ZNF345: variants seen among roughly 807,000 people sequenced by gnomAD.
The protein encoded by ZNF345 is zinc finger protein 345.
For synonymous variants in ZNF345, 166 were observed against 187.9 expected, an observed-to-expected ratio of 0.88 and a Z score of 0.95; for missense variants, 527 against 589.9, an observed-to-expected ratio of 0.89 and a Z score of 1.10.
At chr19:36,858,390 G>A (rs1013750479) in intron 2 of ZNF345, 15 of 152,292 alleles carry the variant, frequency 9.8e-5, no homozygotes, top group African/African-American at 3.6e-4. Flanking sequence ...GAGAACTGGT[G>A]ACTTCAGCGC....
chr19:36,857,154 A>G (rs1423101764), intron 2 of ZNF345, among the ~76,000 whole-genome samples: 2 of 152,128 alleles, frequency 1.3e-5, no homozygotes, highest in African/African-American at 4.8e-5. Flanking sequence ...TATTTCACCA[A>G]GGCTTTTTTG....
At chr19:36,853,848 TTCC>T (rs1478777198) in intron 2 of ZNF345, among the ~76,000 whole-genome samples, 1 of 152,338 alleles carries the variant, frequency 6.6e-6, no homozygotes, top group African/African-American at 2.4e-5. Flanking sequence ...TACCTTCTTT[TTCC>T]TCAAGAGTGT....
chr19:36,871,491 T>G (rs1176671262), intron 2 of ZNF345, among the ~76,000 whole-genome samples: 1 of 152,208 alleles, frequency 6.6e-6, no homozygotes, highest in African/African-American at 2.4e-5. Flanking sequence ...ATTAATAATT[T>G]TAACATATAT....
At chr19:36,862,154 C>G (rs1203358921) in intron 2 of ZNF345, among the ~76,000 whole-genome samples, 1 of 152,138 alleles carries the variant, frequency 6.6e-6, no homozygotes, top group South Asian at 2.1e-4. Context: ...AGCCACTGCA[C>G]CCGGCCAACT....
At position 36,851,129 on chromosome 19, in the gene ZNF345, CT is replaced by C. The variant is rs146465604; in HGVS notation, c.-122+166del. ...GGAACTGTGAGGGCGGGGAGGAGGA[CT>C]TTTTGTTTATGTTTGTGCGGGTGTG... On this transcript the variant is annotated intron_variant, in intron 1 of 2. Coordinates refer to ENST00000420450, the MANE Select transcript of ZNF345 (RefSeq NM_001242472.2). 8.6e-3 allele frequency: 1,309 copies of C among 152,590 alleles called. 23 individuals carry two copies. The highest frequency in any genetic ancestry group is 0.03 in the African/African-American group (1,262 of 41,418). 9.5% of individuals were successfully genotyped at this position (152,590 alleles called of 1,614,324 possible).
intron 2 of ZNF345, among the ~76,000 whole-genome samples, chr19:36,871,323 G>T (rs369815110): frequency 4.6e-5 from 7 of 152,148 alleles, no homozygotes; most frequent in Non-Finnish European, 8.8e-5. Flanking sequence ...TCATTTGGGG[G>T]TTGGGAGGAC....
chr19:36,884,636 GGTTTGTCTAATACT>G (rs1263975871), intron 3 of ZNF345, among the ~76,000 whole-genome samples: 1 of 152,068 alleles, frequency 6.6e-6, no homozygotes, highest in African/African-American at 2.4e-5. Context: ...CCTTCTTGCT[GGTTTGTCTAATACT>G]GTTTGTCTGC....
downstream of ZNF345, among the ~76,000 whole-genome samples, chr19:36,882,594 G>A (rs980140514): frequency 1.3e-5 from 2 of 151,992 alleles, no homozygotes; most frequent in East Asian, 1.9e-4. Flanking sequence ...TTAACTTCTA[G>A]ATAATTATTA....
intron 2 of ZNF345, among the ~76,000 whole-genome samples, chr19:36,873,011 G>A (rs567088517): frequency 4.6e-5 from 7 of 152,232 alleles, no homozygotes; most frequent in South Asian, 2.1e-4. Flanking sequence ...CTCAGTAGAC[G>A]TTGGACTTTG....
At chr19:36,860,071 C>A (rs1388363408) in intron 2 of ZNF345, among the ~76,000 whole-genome samples, 1 of 152,106 alleles carries the variant, frequency 6.6e-6, no homozygotes, top group African/African-American at 2.4e-5. Context: ...CATTCTCCTG[C>A]CTCAGCCTCC....
intron 2 of ZNF345, among the ~76,000 whole-genome samples, chr19:36,853,630 C>A (rs112022638): frequency 6.6e-6 from 1 of 152,102 alleles, no homozygotes; most frequent in South Asian, 2.1e-4. Flanking sequence ...ATTTTTCTCC[C>A]GAGTGTGTAT....
chr19:36,887,334 C>T (rs1161049004), intron 3 of ZNF345, among the ~76,000 whole-genome samples: 1 of 140,626 alleles, frequency 7.1e-6, no homozygotes, highest in Non-Finnish European at 1.7e-5. Context: ...AACCTAAGAA[C>T]ATTTGGAATA....
chr19:36,891,594 C>T lies in ZNF345; in HGVS notation c.47-1224C>T, dbSNP rs1441327575. 4 of 1,613,630 alleles carry T rather than the reference C, an allele frequency of 2.5e-6. No homozygotes were observed. In the African/African-American group the frequency reaches 4.0e-5, roughly 16 times the overall value. On this transcript the variant is annotated intron_variant, in intron 3 of 3. Coordinates refer to the ZNF345 transcript ENST00000526123. ...AGGGTTTCTCACCAGTGTGAATTCT[C>T]TGATGTCGAGTAAGATTTGAGCCTT...
At chr19:36,867,198 C>A (rs2072678292) in intron 2 of ZNF345, among the ~76,000 whole-genome samples, 1 of 152,148 alleles carries the variant, frequency 6.6e-6, no homozygotes, top group African/African-American at 2.4e-5. Context: ...TTTTACCTAC[C>A]TAGTATACTT....
At chr19:36,892,528 T>C (rs1452455895) in intron 3 of ZNF345, 2 of 1,476,230 alleles carry the variant, frequency 1.4e-6, no homozygotes, top group African/African-American at 2.8e-5. Flanking sequence ...TTAAAACTTC[T>C]AAAAAAGAAA....
chr19:36,870,606 G>C (rs1179528151), intron 2 of ZNF345, among the ~76,000 whole-genome samples: 2 of 151,906 alleles, frequency 1.3e-5, no homozygotes, highest in Admixed American at 1.3e-4. Context: ...TCTTTGGCAG[G>C]GCATGGAATT....
intron 3 of ZNF345, chr19:36,892,147 T>C: frequency 6.2e-7 from 1 of 1,614,136 alleles, no homozygotes; most frequent in Non-Finnish European, 8.5e-7. Context: ...GCCACATTCC[T>C]TACATTCATA....
chr19:36,890,746 C>T (rs930548009), intron 3 of ZNF345: 1 of 150,800 alleles, frequency 6.6e-6, no homozygotes, highest in African/African-American at 2.4e-5. Context: ...ATCCCAACTA[C>T]TTGAGAGGCT....
intron 1 of ZNF345, chr19:36,851,347 ATAT>A (rs1364051854): frequency 1.3e-5 from 2 of 151,358 alleles, no homozygotes; most frequent in African/African-American, 4.9e-5. Flanking sequence ...CGCGTTGGTG[ATAT>A]TGTTGATGGA....
Sources: gnomAD v4.1 joint callset for allele counts (sites outside exome capture counted in the v4.1 genomes callset) on GRCh38, gnomAD v4.1.1 for gene constraint, MANE v1.5 for transcripts, NCBI Gene and HGNC (gene_info 2026-07-23, HGNC 2026-07-21) for gene names.